Variants in CCDC141 observed in about 807,000 individuals in gnomAD.
CCDC141 encodes the protein coiled-coil domain-containing protein 141.
Under a neutral mutation model 181.0 loss-of-function variants are expected in CCDC141, and 168 were observed. That is an observed-to-expected ratio of 0.93 (90% confidence interval 0.82 to 1.05). The LOEUF is 1.05. CCDC141 is among the 50% of genes least tolerant of loss of function. CCDC141 has a pLI of 0.00. For synonymous variants in CCDC141, 666 were observed against 642.3 expected (o/e 1.04, Z -0.56); for missense variants, 1,902 against 1,788.5 (o/e 1.06, Z -1.14).
At chr2:178,972,832 C>T (rs1690957763) in intron 4 of CCDC141, among the ~76,000 whole-genome samples, 1 of 152,152 alleles carries the variant, frequency 6.6e-6, no homozygotes, top group African/African-American at 2.4e-5. Flanking sequence ...CCCATTAATC[C>T]TGGTTCTAAC....
intron 4 of CCDC141, among the ~76,000 whole-genome samples, chr2:178,964,905 A>G (rs1690557939): frequency 6.6e-6 from 1 of 152,170 alleles, no homozygotes; most frequent in Non-Finnish European, 1.5e-5. Flanking sequence ...TAGTCGATAA[A>G]TTTTCATTAA....
intron 17 of CCDC141, among the ~76,000 whole-genome samples, chr2:178,861,097 A>G (rs903106532): frequency 6.6e-6 from 1 of 151,920 alleles, no homozygotes; most frequent in African/African-American, 2.4e-5. Flanking sequence ...CCACTAGAGG[A>G]ATGGCTGTGA....
intron 2 of CCDC141, among the ~76,000 whole-genome samples, chr2:179,010,028 T>C (rs1575339236): frequency 6.6e-6 from 1 of 152,046 alleles, no homozygotes; most frequent in African/African-American, 2.4e-5. Context: ...CAAAATAGAA[T>C]TGAACATGTA....
At chr2:178,999,465 T>C (rs931473545) in intron 2 of CCDC141, among the ~76,000 whole-genome samples, 1 of 152,038 alleles carries the variant, frequency 6.6e-6, no homozygotes, top group Non-Finnish European at 1.5e-5. Context: ...CCTCACCCAA[T>C]CCATTCTCTA....
At chr2:179,033,692 A>C (rs1233227227) in intron 2 of CCDC141, among the ~76,000 whole-genome samples, 1 of 152,178 alleles carries the variant, frequency 6.6e-6, no homozygotes, top group Non-Finnish European at 1.5e-5. Context: ...TTGTCATACT[A>C]ATAAGAACTA....
At chr2:178,907,854 C>T (rs977748201) in intron 7 of CCDC141, among the ~76,000 whole-genome samples, 5 of 151,926 alleles carry the variant, frequency 3.3e-5, no homozygotes, top group African/African-American at 9.7e-5. Flanking sequence ...AAAAAATTAG[C>T]CAGGTGTGGT....
At chr2:179,001,569 A>T (rs919232480) in intron 2 of CCDC141, among the ~76,000 whole-genome samples, 2 of 152,046 alleles carry the variant, frequency 1.3e-5, no homozygotes, top group African/African-American at 4.8e-5. Flanking sequence ...TCAGAGGAGG[A>T]GGTAAAAAGA....
chr2:179,015,214 A>G (rs1457663252), intron 2 of CCDC141, among the ~76,000 whole-genome samples: 2 of 126,230 alleles, frequency 1.6e-5, no homozygotes, highest in Non-Finnish European at 3.3e-5. Context: ...TATATATCAT[A>G]TATCTCATAT....
chr2:178,954,818 AAAAACC>A (rs1391082474), intron 5 of CCDC141, among the ~76,000 whole-genome samples: 1 of 152,064 alleles, frequency 6.6e-6, no homozygotes, highest in Non-Finnish European at 1.5e-5. Context: ...CTGACAAAAA[AAAAACC>A]AAAAAACTTT....
intron 2 of CCDC141, among the ~76,000 whole-genome samples, chr2:179,005,123 A>G (rs2154383833): frequency 6.6e-6 from 1 of 152,340 alleles, no homozygotes; most frequent in South Asian, 2.1e-4. Context: ...GGAAGACTTT[A>G]GGAATGCTCT....
intron 7 of CCDC141, among the ~76,000 whole-genome samples, chr2:178,907,734 C>T (rs1332656645): frequency 3.9e-5 from 6 of 152,166 alleles, no homozygotes; most frequent in Admixed American, 1.3e-4. Flanking sequence ...TGGCTCACAC[C>T]TGTAATCCCA....
Position 178,830,126 on chromosome 2 carries a change from T to C in CCDC141, c.*4047A>G, listed in dbSNP as rs959609426. 5.3e-5 allele frequency: 8 copies of C among 152,216 alleles called. No individual in the cohort carries two copies. In the East Asian group the frequency reaches 5.8e-4, roughly 11 times the overall value. The allele number at this position is 152,216 out of a possible 1,614,324, so 9.4% of individuals were successfully genotyped here. A position where few individuals can be genotyped will look rare whatever the true frequency, so the allele number is the denominator to read the frequency against. On this transcript the variant is annotated 3_prime_UTR_variant, in exon 24 of 24. Coordinates refer to ENST00000443758, the MANE Select transcript of CCDC141 (RefSeq NM_173648.4). ...GGTTTTGACAGTTTGGATTTAGTCA[T>C]AGAGAGTGGAGGCATCCAGTTCCTC...
Position 178,980,415 on chromosome 2 carries a change from A to G in CCDC141, c.226-1740T>C, listed in dbSNP as rs575503155. Among the ~76,000 whole-genome samples, 5 of 152,266 alleles carry G rather than the reference A, an allele frequency of 3.3e-5. No homozygotes were observed. In the East Asian group the frequency reaches 9.6e-4, roughly 29 times the overall value. The stretch of plus-strand genomic sequence containing the variant: ...CAGTGAGCTGAGATCGTGCCACTGC[A>G]CTCCAGCCTGGGCAACAGAGCGAGA... On this transcript the variant is annotated intron_variant, in intron 2 of 23. Transcript: ENST00000443758.
intron 6 of CCDC141, among the ~76,000 whole-genome samples, chr2:178,935,172 T>C (rs552567521): frequency 6.6e-6 from 1 of 152,208 alleles, no homozygotes; most frequent in East Asian, 1.9e-4. Flanking sequence ...GTTTGTTACA[T>C]AGGTAAACTC....
downstream of CCDC141, among the ~76,000 whole-genome samples, chr2:178,827,594 T>C (rs1684144868): frequency 6.6e-6 from 1 of 152,154 alleles, no homozygotes; most frequent in Non-Finnish European, 1.5e-5. Flanking sequence ...ACATAGAAGA[T>C]GAAAAGTTAC....
Position 178,837,364 on chromosome 2 carries a change from A to C in CCDC141, c.3855T>G (p.Ser1285Arg), listed in dbSNP as rs1368203306. 6.2e-7 allele frequency: 1 copy of C among 1,613,926 alleles called. No homozygotes were observed. The highest frequency in any genetic ancestry group is 8.5e-7 in the Non-Finnish European group (1 of 1,179,970). The change falls in exon 23 of 24, where the codon AGT becomes AGG. Residue 1285 changes from serine (S) to arginine (R), a missense_variant. Physicochemically the swap from Ser to Arg is moderately radical, Grantham distance 110 (BLOSUM62 -1). Transcript: ENST00000443758. ...ACTGGAGGTAAGGCCTCTCAAAATG[A>C]CTTGAAAATGTTTCTCTCTTATCAT... ...ACNDKRETFSSHFERPYLQFK... is the reference protein window; with the variant it reads ...ACNDKRETFSRHFERPYLQFK...
chr2:178,865,689 A>C, intron 17 of CCDC141, 78 bp downstream of exon 17: 1 of 1,303,996 alleles, frequency 7.7e-7, no homozygotes, highest in South Asian at 2.3e-5. Flanking sequence ...GTGTGCACAA[A>C]TGTGGACATT....
intron 7 of CCDC141, among the ~76,000 whole-genome samples, chr2:178,905,952 G>A (rs913840374): frequency 1.3e-5 from 2 of 152,164 alleles, no homozygotes; most frequent in Non-Finnish European, 2.9e-5. Flanking sequence ...CTTTGCTCTT[G>A]AAGCACTGTA....
intron 2 of CCDC141, among the ~76,000 whole-genome samples, chr2:179,004,984 G>A (rs907094312): frequency 6.6e-6 from 1 of 151,994 alleles, no homozygotes; most frequent in Non-Finnish European, 1.5e-5. Flanking sequence ...CACCTGCCTC[G>A]GCCTCCCAAA....
Sources: gnomAD v4.1 joint callset for allele counts (sites outside exome capture counted in the v4.1 genomes callset) on GRCh38, gnomAD v4.1.1 for gene constraint, MANE v1.5 for transcripts, NCBI Gene and HGNC (gene_info 2026-07-23, HGNC 2026-07-21) for gene names.